Variants in YEATS2 observed in about 807,000 individuals in gnomAD.
YEATS2 encodes YEATS domain containing 2, also known as YEATS domain-containing protein 2.
YEATS2 carries 77 observed loss-of-function variants against 163.2 expected under a neutral mutation model. The ratio of observed to expected loss-of-function variants is 0.47; its 90% CI spans 0.39 to 0.57. The LOEUF (loss-of-function observed/expected upper bound fraction) is 0.57, where lower values mean the gene tolerates loss of function less well. Among genes scored for constraint, YEATS2 ranks in the 20% least tolerant of loss-of-function variants. The pLI, the probability that YEATS2 is intolerant of heterozygous loss-of-function variation, is 0.00. For missense variants in YEATS2, 1,549 were observed against 1,729.8 expected (o/e 0.90, Z 1.85); for synonymous variants, 631 against 645.1 (o/e 0.98, Z 0.33).
chr3:183,747,650 T>A lies in YEATS2; in HGVS notation c.925-22T>A, dbSNP rs557558861. The A allele has an allele frequency of 7.5e-6, 12 of 1,606,034 alleles. No homozygotes were observed. The African/African-American group carries it at 8.0e-5, about 11-fold the overall frequency. The stretch of plus-strand genomic sequence containing the variant: ...AAGTAAGTGCAGTGAAATTTAACAC[T>A]CTCCCTTTTGTCTTTCCATAGCTGG... On this transcript the variant is annotated intron_variant, in intron 8 of 30. Transcript: ENST00000305135.
In YEATS2 at chr3:183,778,953, T is replaced by C. The variant is rs1723282047; in HGVS notation, c.2736+1253T>C. Among the ~76,000 whole-genome samples the C allele has an allele frequency of 2.0e-5, 3 of 152,264 alleles. No individual in the cohort carries two copies. The South Asian group carries it at 6.2e-4, about 32-fold the overall frequency. On this transcript the variant is annotated intron_variant, in intron 19 of 30. Coordinates refer to ENST00000305135, the MANE Select transcript of YEATS2 (RefSeq NM_018023.5). The stretch of plus-strand genomic sequence containing the variant: ...CTGTTCAGGTTGTTTATTTCTTTTC[T>C]TTTTATATATATTTTTTGAGACAGA...
intron 21 of YEATS2, 56 bp downstream of exon 21, chr3:183,791,036 T>TTTTG (rs768860846): frequency 1.9e-6 from 3 of 1,581,532 alleles, no homozygotes; most frequent in South Asian, 1.1e-5. Context: ...GCTGGAATAT[T>TTTTG]TTTGTTTGTT....
At chr3:183,797,295 T>G (rs1577213277) in intron 21 of YEATS2, among the ~76,000 whole-genome samples, 1 of 136,662 alleles carries the variant, frequency 7.3e-6, no homozygotes, top group African/African-American at 2.8e-5. Flanking sequence ...AAAAGCCCAG[T>G]GCTTTGGGAG....
intron 15 of YEATS2, among the ~76,000 whole-genome samples, chr3:183,769,834 C>A (rs1722273453): frequency 6.6e-6 from 1 of 151,778 alleles, no homozygotes; most frequent in Non-Finnish European, 1.5e-5. Flanking sequence ...CTGGGGTGCC[C>A]ACCACCACGC....
chr3:183,737,032 T>C (rs1009121040), intron 8 of YEATS2, among the ~76,000 whole-genome samples: 7 of 152,200 alleles, frequency 4.6e-5, no homozygotes, highest in Non-Finnish European at 1.0e-4. Context: ...AACACATATT[T>C]TGTATCTTAT....
At chr3:183,806,495 ATTCT>A (rs1340882345) in intron 27 of YEATS2, 3 of 429,670 alleles carry the variant, frequency 7.0e-6, no homozygotes, top group Non-Finnish European at 1.4e-5. Context: ...AATAGGGGTG[ATTCT>A]TTTTATTTTC....
intron 2 of YEATS2, among the ~76,000 whole-genome samples, chr3:183,716,180 C>T (rs1577046480): frequency 1.3e-5 from 2 of 152,234 alleles, no homozygotes; most frequent in East Asian, 1.9e-4. Context: ...AGGATGGTCT[C>T]CATCTCCTGA....
chr3:183,741,517 T>G (rs971693955), intron 8 of YEATS2, among the ~76,000 whole-genome samples: 8 of 151,946 alleles, frequency 5.3e-5, no homozygotes, highest in Non-Finnish European at 1.0e-4. Flanking sequence ...CATGGTGGCT[T>G]ATGTCTGTAA....
At position 183,730,052 on chromosome 3, in the gene YEATS2, G is replaced by GTTTTTTTTTTTTTT. The variant is rs869091775; in HGVS notation, c.812+1223_812+1236dup. Reference sequence around the variant, plus strand: ...ATATTAATTGTGTGGTTTTTTGTTTGTTTTTTTTTTTTTTTTTTTTTTTTT... The same window carrying GTTTTTTTTTTTTTT: ...ATATTAATTGTGTGGTTTTTTGTTTGTTTTTTTTTTTTTTTTTTTTTTTTTTTTTTTTTTTTTTT... On this transcript the variant is annotated intron_variant, in intron 7 of 30. Transcript: ENST00000305135. Among the ~76,000 whole-genome samples the GTTTTTTTTTTTTTT allele has an allele frequency of 1.3e-3, 53 of 41,722 alleles. 6 individuals carry two copies. The highest frequency in any genetic ancestry group is 2.1e-3 in the African/African-American group (25 of 12,144). 27.4% of individuals were successfully genotyped at this position (41,722 alleles called of 152,430 possible).
intron 19 of YEATS2, among the ~76,000 whole-genome samples, chr3:183,782,139 C>T (rs538412924): frequency 3.9e-5 from 6 of 151,942 alleles, no homozygotes; most frequent in East Asian, 1.9e-4. Context: ...GACAGAGTTT[C>T]GCTCTTGTTG....
chr3:183,751,539 A>G (rs1460889133), intron 9 of YEATS2, among the ~76,000 whole-genome samples: 2 of 152,248 alleles, frequency 1.3e-5, no homozygotes, highest in Admixed American at 6.5e-5. Flanking sequence ...GAATACAGAA[A>G]TGAACACGGT....
intron 6 of YEATS2, among the ~76,000 whole-genome samples, chr3:183,726,539 T>G (rs1717117926): frequency 6.6e-6 from 1 of 152,116 alleles, no homozygotes; most frequent in African/African-American, 2.4e-5. Flanking sequence ...AAGTAAATAT[T>G]TGGCCAAGAT....
At chr3:183,758,812 C>A in intron 12 of YEATS2, 50 bp from the exon 13 acceptor site, 1 of 1,275,266 alleles carries the variant, frequency 7.8e-7, no homozygotes, top group South Asian at 1.3e-5. Context: ...TTAAAATTAC[C>A]TTTTGTAAAT....
intron 8 of YEATS2, among the ~76,000 whole-genome samples, chr3:183,746,783 A>G (rs184153962): frequency 9.2e-5 from 14 of 151,952 alleles, no homozygotes; most frequent in Admixed American, 5.2e-4. Context: ...ACTAACTCTC[A>G]TAACTGACTG....
At chr3:183,791,426 T>C (rs1418751529) in intron 21 of YEATS2, among the ~76,000 whole-genome samples, 1 of 152,228 alleles carries the variant, frequency 6.6e-6, no homozygotes, top group Non-Finnish European at 1.5e-5. Flanking sequence ...GCTTTTTAGA[T>C]GAATTATTTT....
intron 2 of YEATS2, among the ~76,000 whole-genome samples, chr3:183,716,956 G>A (rs189766887): frequency 8.7e-4 from 131 of 151,198 alleles, no homozygotes; most frequent in African/African-American, 3.0e-3. Context: ...GCGGTGGCAC[G>A]ATCTCGGCTC....
At chr3:183,736,224 C>G (rs556388200) in intron 7 of YEATS2, among the ~76,000 whole-genome samples, 1 of 152,272 alleles carries the variant, frequency 6.6e-6, no homozygotes, top group South Asian at 2.1e-4. Context: ...CAGGGAAGGT[C>G]ATATTGTGAA....
intron 15 of YEATS2, among the ~76,000 whole-genome samples, chr3:183,768,507 C>T (rs1722135583): frequency 6.6e-6 from 1 of 152,022 alleles, no homozygotes; most frequent in South Asian, 2.1e-4. Context: ...CAGTTTCTGC[C>T]ACACTCCCAA....
At chr3:183,786,529 C>T (rs1724081813) in intron 20 of YEATS2, among the ~76,000 whole-genome samples, 1 of 152,104 alleles carries the variant, frequency 6.6e-6, no homozygotes, top group African/African-American at 2.4e-5. Flanking sequence ...CATCTAATCC[C>T]AGAGCATTTT....
Sources: allele counts gnomAD v4.1 joint callset (sites outside exome capture counted in the v4.1 genomes callset), GRCh38; gene constraint gnomAD v4.1.1; transcripts MANE v1.5; gene names NCBI Gene and HGNC (gene_info 2026-07-23, HGNC 2026-07-21).